The following ITSN1 variants were observed in gnomAD, a reference collection of about 807,000 sequenced individuals.
ITSN1 encodes the protein intersectin-1.
A neutral mutation model predicts 239.8 loss-of-function variants in ITSN1; 58 were observed. The observed-to-expected ratio is 0.24, with a 90% CI of 0.20 to 0.30. The LOEUF (loss-of-function observed/expected upper bound fraction) is 0.30. Ranked by LOEUF, ITSN1 falls within the 10% of genes least tolerant of loss-of-function variation. The pLI is 1.00. For missense variants in ITSN1, 1,558 were observed against 2,103.3 expected (o/e 0.74, Z 5.07); for synonymous variants, 780 against 770.8 (o/e 1.01, Z -0.20).
chr21:33,685,237 TTA>T (rs1267349592), intron 1 of ITSN1, among the ~76,000 whole-genome samples: 1 of 152,156 alleles, frequency 6.6e-6, no homozygotes, highest in Admixed American at 6.5e-5. Context: ...AGAAAGGAGT[TTA>T]TGTTTTCACT....
At chr21:33,659,806 A>G (rs1451365785) in intron 1 of ITSN1, among the ~76,000 whole-genome samples, 1 of 146,682 alleles carries the variant, frequency 6.8e-6, no homozygotes, top group African/African-American at 2.5e-5. Flanking sequence ...TGCAGCCTCA[A>G]CCTCCCAGGC....
intron 17 of ITSN1, among the ~76,000 whole-genome samples, chr21:33,794,914 G>A (rs934996789): frequency 6.6e-6 from 1 of 152,120 alleles, no homozygotes; most frequent in Non-Finnish European, 1.5e-5. Flanking sequence ...TACAAAAGGG[G>A]GAAATTTGCC....
intron 1 of ITSN1, among the ~76,000 whole-genome samples, chr21:33,645,856 A>G (rs1601398636): frequency 6.6e-6 from 1 of 152,178 alleles, no homozygotes; most frequent in Admixed American, 6.5e-5. Flanking sequence ...GTGGATAGAA[A>G]GTTTTTCAAG....
Position 33,836,514 on chromosome 21 carries a change from C to A in ITSN1, c.3543C>A (p.Ile1181=). The part of the protein sequence containing the change: ...DDELAFNKGQ[I]INVLNKEDPD... ...AGCTGGCCTTCAACAAGGGCCAGATCATCAACGTCCTCAACAAGGAGGACC... is the reference window on the plus strand; with the variant it reads ...AGCTGGCCTTCAACAAGGGCCAGATAATCAACGTCCTCAACAAGGAGGACC... The change falls in exon 29 of 40, where the codon ATC becomes ATA. Residue 1181 remains isoleucine (I), a synonymous_variant. Transcript: ENST00000381318. 1 of 1,614,078 alleles carries A rather than the reference C, an allele frequency of 6.2e-7. No homozygotes were observed. Among genetic ancestry groups the A allele is most frequent in the South Asian group, 1.1e-5 (1 of 91,064 alleles).
chr21:33,871,666 A>G (rs1446884839), intron 33 of ITSN1, among the ~76,000 whole-genome samples: 1 of 150,882 alleles, frequency 6.6e-6, no homozygotes, highest in East Asian at 2.0e-4. Flanking sequence ...GCTTAAACCC[A>G]CGAGGTGAAA....
intron 27 of ITSN1, among the ~76,000 whole-genome samples, chr21:33,830,532 A>C (rs902727985): frequency 1.3e-5 from 2 of 152,018 alleles, no homozygotes; most frequent in Non-Finnish European, 2.9e-5. Context: ...GGGAGGGAGG[A>C]GGGAGGGAGT....
At chr21:33,819,212 T>TA in intron 23 of ITSN1, 29 bp from the exon 24 acceptor site, 1 of 1,544,724 alleles carries the variant, frequency 6.5e-7, no homozygotes, top group Non-Finnish European at 8.9e-7. Context: ...AGATAAAAAT[T>TA]AAAATACTCT....
rs137939943 is a variant in ITSN1 at position 33,859,691 on chromosome 21, G to A, written c.3890+899G>A. 7.6e-3 allele frequency among the ~76,000 whole-genome samples: 1,155 copies of A among 152,258 alleles called. 9 individuals carry two copies. The highest frequency in any genetic ancestry group is 0.014 in the Non-Finnish European group (936 of 68,024). On this transcript the variant is annotated intron_variant, in intron 31 of 39. Coordinates refer to ENST00000381318, the MANE Select transcript of ITSN1 (RefSeq NM_003024.3). ...TGTGGTCTCTGCATTGTTCTTATAA[G>A]GTAATTTCAGGTCCCCACTTTCCTG...
chr21:33,817,146 C>A, intron 22 of ITSN1: 2 of 1,204,212 alleles, frequency 1.7e-6, no homozygotes, highest in Non-Finnish European at 2.1e-6. Flanking sequence ...GTTGGTGTTT[C>A]ATTTTTTACT....
intron 1 of ITSN1, among the ~76,000 whole-genome samples, chr21:33,644,379 C>T (rs1017365308): frequency 2.6e-5 from 4 of 152,078 alleles, no homozygotes; most frequent in African/African-American, 9.7e-5. Context: ...TTATTTCAGA[C>T]ACCTTTAAGT....
Position 33,755,359 on chromosome 21 carries a change from T to C in ITSN1, c.686T>C (p.Phe229Ser). The C allele has an allele frequency of 6.2e-7, 1 of 1,609,414 alleles. No individual in the cohort carries two copies. Among genetic ancestry groups the C allele is most frequent in the Non-Finnish European group, 8.5e-7 (1 of 1,176,780 alleles). Residue 229 changes from phenylalanine to serine, a missense_variant, in exon 8 of 40, where the codon TTC becomes TCC. Phe to Ser is a radical substitution (Grantham distance 155, BLOSUM62 -2). This residue lies in a region of ITSN1 where 982 missense variants were observed against 1,209.9 expected (regional missense o/e 0.81). Transcript: ENST00000381318. Reference sequence around the variant, plus strand: ...TCAAGACTGAAATACAGGCAATTATTCAATAGTCATGACAAAACTATGAGT... The same window carrying C: ...TCAAGACTGAAATACAGGCAATTATCCAATAGTCATGACAAAACTATGAGT... The part of the protein sequence containing the change: ...QSSRLKYRQL[F>S]NSHDKTMSGH...
chr21:33,716,823 G>A (rs1005027494), intron 1 of ITSN1, among the ~76,000 whole-genome samples: 102 of 151,586 alleles, frequency 6.7e-4, no homozygotes, highest in African/African-American at 2.3e-3. Flanking sequence ...ATGGTGGGGC[G>A]AGCCTGTAAT....
intron 15 of ITSN1, 43 bp downstream of exon 15, chr21:33,781,591 CT>C (rs1334882560): frequency 3.5e-6 from 4 of 1,144,692 alleles, no homozygotes; most frequent in Non-Finnish European, 5.0e-6. Context: ...TTTATTCTTT[CT>C]TTTTTTGACA....
At chr21:33,785,583 C>T (rs751226455) in intron 16 of ITSN1, among the ~76,000 whole-genome samples, 1 of 152,064 alleles carries the variant, frequency 6.6e-6, no homozygotes, top group Admixed American at 6.6e-5. Flanking sequence ...TCCTTCCCTA[C>T]CCAAAATCTG....
Position 33,849,046 on chromosome 21 carries a change from G to A in ITSN1, c.3662-7690G>A, listed in dbSNP as rs2075074395. On this transcript the variant is annotated intron_variant, in intron 29 of 39. Transcript: ENST00000381318. ...ACCTGAAGTCAGGAGTTTGAGACCA[G>A]CCCGGCCAACATGGTGAAACCCCGT... Among the ~76,000 whole-genome samples, 4 of 152,160 alleles carry A rather than the reference G, an allele frequency of 2.6e-5. No homozygotes were observed. The South Asian group carries it at 8.3e-4, about 32-fold the overall frequency.
chr21:33,829,258 T>C, intron 26 of ITSN1: 1 of 341,336 alleles, frequency 2.9e-6, no homozygotes, highest in Non-Finnish European at 5.7e-6. Context: ...GGGTGGGTGG[T>C]GAATGAGGCC....
intron 1 of ITSN1, among the ~76,000 whole-genome samples, chr21:33,669,076 G>C (rs908531196): frequency 6.6e-6 from 1 of 152,212 alleles, no homozygotes; most frequent in African/African-American, 2.4e-5. Context: ...TCCAGAAACA[G>C]ACAGAGAAGA....
intron 1 of ITSN1, among the ~76,000 whole-genome samples, chr21:33,684,703 T>C (rs2091150118): frequency 6.6e-6 from 1 of 152,194 alleles, no homozygotes; most frequent in East Asian, 1.9e-4. Context: ...ATGATTCTTA[T>C]ATGTCATGTA....
chr21:33,767,971 A>C (rs952573141), intron 11 of ITSN1, 143 bp downstream of exon 11: 6 of 539,492 alleles, frequency 1.1e-5, no homozygotes, highest in Non-Finnish European at 1.7e-5. Context: ...AGTTGGAGAT[A>C]ATTGTTAATT....
Sources: allele counts gnomAD v4.1 joint callset (sites outside exome capture counted in the v4.1 genomes callset), GRCh38; gene constraint gnomAD v4.1.1; regional missense constraint gnomAD v4.1.1; transcripts MANE v1.5; gene names NCBI Gene and HGNC (gene_info 2026-07-23, HGNC 2026-07-21).